The following MTMR4 variants were observed in gnomAD, a reference collection of about 807,000 sequenced individuals.
MTMR4 encodes the protein phosphatidylinositol-3,5-bisphosphate 3-phosphatase MTMR4.
In MTMR4, 30 loss-of-function variants were observed where a neutral mutation model predicts 125.5. The ratio of observed to expected loss-of-function variants is 0.24; its 90% confidence interval spans 0.18 to 0.32. The LOEUF (loss-of-function observed/expected upper bound fraction) is 0.32. MTMR4 is among the 10% of genes least tolerant of loss of function. The pLI is 1.00. For synonymous variants in MTMR4, 498 were observed against 564.5 expected, an observed-to-expected ratio of 0.88 and a Z score of 1.67; for missense variants, 1,039 against 1,511.5, an observed-to-expected ratio of 0.69 and a Z score of 5.18.
At chr17:58,503,450 C>T (rs1975693255) in intron 14 of MTMR4, among the ~76,000 whole-genome samples, 1 of 152,120 alleles carries the variant, frequency 6.6e-6, no homozygotes, top group East Asian at 1.9e-4. Context: ...GAGTTTGAGA[C>T]CAGCCTGGCC....
At position 58,495,471 on chromosome 17, in the gene MTMR4, G is replaced by A. The variant is rs1232718635; in HGVS notation, c.2713C>T (p.Pro905Ser). The A allele has an allele frequency of 1.9e-6, 3 of 1,614,134 alleles. No homozygotes were observed. The African/African-American group carries it at 4.0e-5, about 22-fold the overall frequency. ...GKMPLELVRK[P>S]ISQSQISEFS... ...TCACTGATCTGGCTCTGAGAAATTG[G>A]CTTCCGGACCAATTCCAATGGCATT... Residue 905 changes from proline (P) to serine (S), a missense_variant, in exon 15 of 18, where the codon CCA (proline) becomes TCA (serine). Physicochemically the swap from Pro to Ser is moderately conservative, Grantham distance 74 (BLOSUM62 -1). Coordinates refer to ENST00000682306, the MANE Select transcript of MTMR4 (RefSeq NM_001378067.1).
In MTMR4 at chr17:58,508,556, T is replaced by C. The variant is rs1567935999; in HGVS notation, c.505A>G (p.Ile169Val). 2 of 1,614,236 alleles carry C rather than the reference T, an allele frequency of 1.2e-6. No homozygotes were observed. The highest frequency in any genetic ancestry group is 8.5e-7 in the Non-Finnish European group (1 of 1,180,046). ...HTHLCQPGEH[I>V]RCRQEAELAR... ...AGCTCCGCCTCCTGTCGACAACGTA[T>C]GTGCTCACCTGCAACAGAGCCCCCA... Residue 169 changes from isoleucine (I) to valine (V), a missense_variant, in exon 6 of 18, where the codon ATA becomes GTA. Around this residue, in one of 6 missense-constraint regions of MTMR4, gnomAD observed 202 missense variants for 311.9 expected, o/e 0.65. Transcript: ENST00000682306. The surrounding 1 kb of genome is among the most constrained non-coding windows in gnomAD (Gnocchi z 4.8).
rs1219842476 is a variant in MTMR4, at chr17:58,512,621, G to C, written c.136-115C>G. The C allele has an allele frequency of 3.3e-6, 3 of 907,950 alleles. No homozygotes were observed. The highest frequency in any genetic ancestry group is 1.6e-5 in the African/African-American group (1 of 60,828). 56.2% of individuals were successfully genotyped at this position (907,950 alleles called of 1,614,324 possible). A position where few individuals can be genotyped will look rare whatever the true frequency, so the allele number is the denominator to read the frequency against. ...AAAGGTGGGCCAAGGCAAGAGAGGA[G>C]AGTTCTCTCCACGGTAACAGCACCA... On this transcript the variant is annotated intron_variant, in intron 2 of 17. Coordinates refer to ENST00000682306, the MANE Select transcript of MTMR4 (RefSeq NM_001378067.1). The surrounding 1 kb of genome is among the most constrained non-coding windows in gnomAD (Gnocchi z 4.1).
chr17:58,513,492 G>C (rs377353824), intron 1 of MTMR4, among the ~76,000 whole-genome samples: 5 of 152,146 alleles, frequency 3.3e-5, no homozygotes, highest in African/African-American at 1.2e-4. Context: ...ACGTGTTTGA[G>C]AGCTGGGCTT....
Position 58,505,574 on chromosome 17 carries a change from G to T in MTMR4, c.1043C>A (p.Pro348His). 1 of 1,610,118 alleles carries T rather than the reference G, an allele frequency of 6.2e-7. No homozygotes were observed. Among genetic ancestry groups the T allele is most frequent in the Non-Finnish European group, 8.5e-7 (1 of 1,177,440 alleles). The part of the protein sequence containing the change: ...GGGCECEEYY[P>H]NCEVVFMGMA... ...TCCCATGAACACGACCTCACAGTTG[G>T]GATAGTACTCTGTAGACATGACAGG... is the stretch of plus-strand genomic sequence containing the variant. The change falls in exon 10 of 18, where the codon CCC (proline) becomes CAC (histidine). Residue 348 changes from proline (P) to histidine (H), a missense_variant. Physicochemically the swap from Pro to His is moderately conservative, Grantham distance 77. Transcript: ENST00000682306.
Position 58,491,549 on chromosome 17 carries a change from T to G in MTMR4, c.*114A>C. The G allele has an allele frequency of 9.2e-7, 1 of 1,084,308 alleles. No homozygotes were observed. Among genetic ancestry groups the G allele is most frequent in the South Asian group, 1.6e-5 (1 of 60,904 alleles). 67.2% of individuals were successfully genotyped at this position (1,084,308 alleles called of 1,614,324 possible). A position where few individuals can be genotyped will look rare whatever the true frequency, so the allele number is the denominator to read the frequency against. Reference sequence around the variant, plus strand: ...TGATACCAAGGAGGATTTCTCAAGATGGTATCTCTGAGCTCTGTGATTTCA... The same window carrying G: ...TGATACCAAGGAGGATTTCTCAAGAGGGTATCTCTGAGCTCTGTGATTTCA... On this transcript the variant is annotated 3_prime_UTR_variant, in exon 18 of 18. Coordinates refer to ENST00000682306, the MANE Select transcript of MTMR4 (RefSeq NM_001378067.1).
chr17:58,509,030 T>C (rs1975856113), intron 4 of MTMR4, among the ~76,000 whole-genome samples, 189 bp from the exon 5 acceptor site: 1 of 152,176 alleles, frequency 6.6e-6, no homozygotes, highest in South Asian at 2.1e-4. Context: ...TTGTCTCTTG[T>C]GATAATTCTC....
Position 58,508,699 on chromosome 17 carries a change from T to C in MTMR4, c.478A>G (p.Thr160Ala), listed in dbSNP as rs1415625198. ...CLGLTEEDQH[T>A]HLCQPGEHIR... ...GCCTCACCTGGCTGACATAGGTGAG[T>C]GTGCTGGTCCTCCTCGGTCAGCCCC... is the stretch of plus-strand genomic sequence containing the variant. Residue 160 changes from threonine (T) to alanine (A), a missense_variant, in exon 5 of 18, where the codon ACT becomes GCT. By Grantham distance (58) the Thr-to-Ala change is moderately conservative. This residue lies in a region of MTMR4 where 202 missense variants were observed against 311.9 expected (regional missense o/e 0.65). Coordinates refer to ENST00000682306, the MANE Select transcript of MTMR4 (RefSeq NM_001378067.1). This position sits in a 1 kb window ranked among gnomAD's most constrained non-coding sequence, Gnocchi z 4.8. The C allele has an allele frequency of 3.7e-6, 6 of 1,613,922 alleles. No homozygotes were observed. The highest frequency in any genetic ancestry group is 5.1e-6 in the Non-Finnish European group (6 of 1,180,004).
chr17:58,514,091 T>A, intron 1 of MTMR4: 1 of 157,710 alleles, frequency 6.3e-6, no homozygotes, highest in Non-Finnish European at 1.4e-5. Flanking sequence ...GATGTACCCC[T>A]GCAGGGCGGG....
chr17:58,495,168 T>C lies in MTMR4; in HGVS notation c.3016A>G (p.Ser1006Gly), dbSNP rs1975420858. Reference sequence around the variant, plus strand: ...CAGTTCAGTGGAACGGGCTTTGTGCTAGAGACTTGCTTTGGATGACTGGAC... The same window carrying C: ...CAGTTCAGTGGAACGGGCTTTGTGCCAGAGACTTGCTTTGGATGACTGGAC... Reference protein sequence around the residue: ...WLSSHPKQVSSTKPVPLNCPS... With the variant: ...WLSSHPKQVSGTKPVPLNCPS... Residue 1006 changes from serine to glycine, a missense_variant, in exon 15 of 18, where the codon AGC becomes GGC. By Grantham distance (56) the Ser-to-Gly change is moderately conservative. This residue lies in a region of MTMR4 where 619 missense variants were observed against 714.5 expected (regional missense o/e 0.87). Coordinates refer to ENST00000682306, the MANE Select transcript of MTMR4 (RefSeq NM_001378067.1). The C allele has an allele frequency of 6.2e-6, 10 of 1,614,122 alleles. No homozygotes were observed. The highest frequency in any genetic ancestry group is 8.5e-6 in the Non-Finnish European group (10 of 1,180,060).
rs1343378120 is a variant in MTMR4 at position 58,508,675 on chromosome 17, C to T, written c.496+6G>A. The stretch of plus-strand genomic sequence containing the variant: ...CAGCCTCCCAAAGAAAATAGACTGG[C>T]CTCACCTGGCTGACATAGGTGAGTG... On this transcript the variant is annotated splice_donor_region_variant and intron_variant, in intron 5 of 17. Coordinates refer to ENST00000682306, the MANE Select transcript of MTMR4 (RefSeq NM_001378067.1). This position sits in a 1 kb window ranked among gnomAD's most constrained non-coding sequence, Gnocchi z 4.8. The T allele has an allele frequency of 6.2e-7, 1 of 1,613,906 alleles. No individual in the cohort carries two copies. Among genetic ancestry groups the T allele is most frequent in the Non-Finnish European group, 8.5e-7 (1 of 1,179,886 alleles).
Position 58,504,521 on chromosome 17 carries a change from C to T in MTMR4, c.1342-33G>A, listed in dbSNP as rs1340399249. The T allele has an allele frequency of 1.2e-6, 2 of 1,600,198 alleles. No individual in the cohort carries two copies. The highest frequency in any genetic ancestry group is 1.1e-5 in the South Asian group (1 of 90,618). The stretch of plus-strand genomic sequence containing the variant: ...AAAAGAAACTGTTCAAACATAGGGC[C>T]TCTCTGGAAATGCTGATGTGCTACT... On this transcript the variant is annotated intron_variant, in intron 11 of 17. Coordinates refer to ENST00000682306, the MANE Select transcript of MTMR4 (RefSeq NM_001378067.1). The surrounding 1 kb of genome is among the most constrained non-coding windows in gnomAD (Gnocchi z 7.1).
chr17:58,517,749 G>A (rs1176557501), upstream of MTMR4: 1 of 152,570 alleles, frequency 6.6e-6, no homozygotes, highest in East Asian at 1.9e-4. Flanking sequence ...TGGGGGCCAG[G>A]GCGGAGCCGG....
rs745877933 is a variant in MTMR4, at chr17:58,495,252, A to G, written c.2932T>C (p.Cys978Arg). The G allele has an allele frequency of 4.0e-5, 65 of 1,614,104 alleles. No individual in the cohort carries two copies. The highest frequency in any genetic ancestry group is 5.3e-5 in the Non-Finnish European group (63 of 1,180,058). ...AQREGVKSPV[C>R]SSHSNGHCTG... ...CAATGTCCATTGGAATGACTAGAAC[A>G]GACAGGTGACTTCACACCTTCTCTC... Residue 978 changes from cysteine to arginine, a missense_variant, in exon 15 of 18, where the codon TGT becomes CGT. Coordinates refer to ENST00000682306, the MANE Select transcript of MTMR4 (RefSeq NM_001378067.1).
upstream of MTMR4, among the ~76,000 whole-genome samples, chr17:58,517,041 G>T (rs1294563253): frequency 6.6e-6 from 1 of 152,228 alleles, no homozygotes; most frequent in Non-Finnish European, 1.5e-5. Flanking sequence ...TGAATCCACA[G>T]GAATGTTTTG....
At chr17:58,496,357 G>A in intron 14 of MTMR4, 27 bp from the exon 15 acceptor site, 1 of 1,560,268 alleles carries the variant, frequency 6.4e-7, no homozygotes, top group Non-Finnish European at 8.7e-7. Flanking sequence ...AACACCTCCA[G>A]GTCAGGAGAT....
In MTMR4 at chr17:58,490,337, C is replaced by A. The variant is rs1000657806; in HGVS notation, c.*1326G>T. On this transcript the variant is annotated 3_prime_UTR_variant, in exon 18 of 18. Coordinates refer to ENST00000682306, the MANE Select transcript of MTMR4 (RefSeq NM_001378067.1). Reference sequence around the variant, plus strand: ...ATAGGCCAAGGAGACTGTATCTGTCCCACCCACAGTACATGGCTATATCAC... The same window carrying A: ...ATAGGCCAAGGAGACTGTATCTGTCACACCCACAGTACATGGCTATATCAC... 2.6e-5 allele frequency: 4 copies of A among 152,338 alleles called. No individual in the cohort carries two copies. The highest frequency in any genetic ancestry group is 5.9e-5 in the Non-Finnish European group (4 of 67,994). 9.4% of individuals were successfully genotyped at this position (152,338 alleles called of 1,614,324 possible).
intron 10 of MTMR4, 105 bp from the exon 11 acceptor site, chr17:58,505,079 T>C: frequency 1.7e-6 from 2 of 1,160,006 alleles, no homozygotes; most frequent in South Asian, 1.6e-5. Flanking sequence ...CATTGAGAAC[T>C]GAAACCAAGA....
upstream of MTMR4, chr17:58,514,691 G>T: frequency 1.0e-6 from 1 of 983,266 alleles, no homozygotes; most frequent in African/African-American, 1.7e-5. Flanking sequence ...AGGTAGAGGC[G>T]GGGCGGCTCC....
Sources: allele counts gnomAD v4.1 joint callset (sites outside exome capture counted in the v4.1 genomes callset), GRCh38; gene constraint gnomAD v4.1.1; regional missense constraint gnomAD v4.1.1; non-coding constraint Gnocchi (gnomAD v3.1); transcripts MANE v1.5; gene names NCBI Gene and HGNC (gene_info 2026-07-23, HGNC 2026-07-21).